The following KIAA2012 variants were observed in gnomAD, a reference collection of about 807,000 sequenced individuals.
KIAA2012 encodes the protein uncharacterized protein KIAA2012.
Under a neutral mutation model 150.6 loss-of-function variants are expected in KIAA2012, and 125 were observed. The ratio of observed to expected loss-of-function variants is 0.83; its 90% CI spans 0.72 to 0.96. The LOEUF is 0.96. Among genes scored for constraint, KIAA2012 ranks in the 40% least tolerant of loss-of-function variants. The pLI is 0.00. For synonymous variants in KIAA2012, 462 were observed against 504.7 expected, an observed-to-expected ratio of 0.92 and a Z score of 1.13; for missense variants, 1,219 against 1,354.9, an observed-to-expected ratio of 0.90 and a Z score of 1.57.
At chr2:202,133,873 G>A (rs1691010200) in intron 12 of KIAA2012, among the ~76,000 whole-genome samples, 1 of 152,120 alleles carries the variant, frequency 6.6e-6, no homozygotes, top group Admixed American at 6.5e-5. Flanking sequence ...TAGGTCATAG[G>A]TGTCTTGAGT....
intron 15 of KIAA2012, 71 bp downstream of exon 15, chr2:202,165,427 G>T (rs936422561): frequency 8.3e-6 from 12 of 1,446,328 alleles, no homozygotes; most frequent in Non-Finnish European, 8.5e-6. Context: ...ACTGTTAAAA[G>T]ATGTTAATGG....
Position 202,093,150 on chromosome 2 carries a change from C to G in KIAA2012, c.650C>G (p.Ser217Ter). The change falls in exon 4 of 24, where the codon TCA (serine) becomes TGA (stop). Residue 217 changes from serine to a stop codon, truncating the protein, a stop_gained. Coordinates refer to ENST00000498697, the MANE Select transcript of KIAA2012 (RefSeq NM_001277372.4). LOFTEE classifies it high-confidence loss of function. The part of the protein sequence containing the change: ...PKYHLLPVFP[S>*]FWIQQGKSFE... ...TACCATCTCCTGCCTGTCTTCCCTT[C>G]ATTTTGGATTCAACAAGGAAAATCT... The G allele has an allele frequency of 6.4e-7, 1 of 1,551,232 alleles. No individual in the cohort carries two copies. Among genetic ancestry groups the G allele is most frequent in the South Asian group, 1.2e-5 (1 of 84,060 alleles).
chr2:202,189,868 G>A (rs1389255982), intron 18 of KIAA2012, among the ~76,000 whole-genome samples: 1 of 152,022 alleles, frequency 6.6e-6, no homozygotes, highest in Non-Finnish European at 1.5e-5. Flanking sequence ...GAGGTGGGTG[G>A]ATTGCTTGAG....
intron 9 of KIAA2012, 44 bp from the exon 10 acceptor site, chr2:202,109,568 GA>G: frequency 3.4e-6 from 5 of 1,466,376 alleles, no homozygotes; most frequent in Non-Finnish European, 4.5e-6. Context: ...CCTTCCTGCT[GA>G]TTCTGTTTTC....
chr2:202,155,320 G>C (rs762943251), intron 14 of KIAA2012, among the ~76,000 whole-genome samples: 12 of 152,116 alleles, frequency 7.9e-5, no homozygotes, highest in African/African-American at 1.7e-4. Flanking sequence ...GGTTCTGAGG[G>C]TTTCTATAGT....
At position 202,105,795 on chromosome 2, in the gene KIAA2012, C is replaced by G; in HGVS notation, c.1359C>G (p.Ser453Arg). ...ACCCTGAGTCAGAACCAGAAAGCAG[C>G]GAAGAATCCACACCTGTGTGGAGAC... is the stretch of plus-strand genomic sequence containing the variant. ...APHPESEPESSEESTPVWRPP... is the reference protein window; with the variant it reads ...APHPESEPESREESTPVWRPP... Residue 453 changes from serine to arginine, a missense_variant, in exon 9 of 24, where the codon AGC becomes AGG. By Grantham distance (110) the Ser-to-Arg change is moderately radical. Transcript: ENST00000498697. The G allele has an allele frequency of 1.3e-6, 2 of 1,550,614 alleles. No homozygotes were observed. The highest frequency in any genetic ancestry group is 1.7e-6 in the Non-Finnish European group (2 of 1,146,994).
Position 202,100,314 on chromosome 2 carries a change from A to G in KIAA2012, c.1020A>G (p.Gln340=). Residue 340 remains glutamine, a synonymous_variant, in exon 7 of 24, where the codon CAA becomes CAG. Transcript: ENST00000498697. ...PNRKADLSDK[Q]RNVKLHKARS... ...CTCATCCTGTTTTTAAAGATAAACAAAGGAACGTGAAACTCCACAAGGCCA... is the reference window on the plus strand; with the variant it reads ...CTCATCCTGTTTTTAAAGATAAACAGAGGAACGTGAAACTCCACAAGGCCA... 3 of 1,549,938 alleles carry G rather than the reference A, an allele frequency of 1.9e-6. No individual in the cohort carries two copies. The highest frequency in any genetic ancestry group is 2.6e-6 in the Non-Finnish European group (3 of 1,146,678).
At chr2:202,148,277 G>A (rs545829659) in intron 13 of KIAA2012, among the ~76,000 whole-genome samples, 5 of 152,296 alleles carry the variant, frequency 3.3e-5, no homozygotes, top group East Asian at 3.9e-4. Flanking sequence ...ATTGGAGGTT[G>A]CCATGTTTCT....
chr2:202,096,088 AC>A (rs1171128410), intron 4 of KIAA2012, among the ~76,000 whole-genome samples: 1 of 150,558 alleles, frequency 6.6e-6, no homozygotes, highest in Non-Finnish European at 1.5e-5. Context: ...CGTCCCCCGC[AC>A]CCCCCACCCA....
At chr2:202,186,442 G>A (rs186258571) in intron 16 of KIAA2012, among the ~76,000 whole-genome samples, 1 of 151,994 alleles carries the variant, frequency 6.6e-6, no homozygotes, top group Admixed American at 6.6e-5. Context: ...AACCCGGGAG[G>A]TGGAGGTTGC....
intron 22 of KIAA2012, among the ~76,000 whole-genome samples, chr2:202,199,882 C>T (rs1692481614): frequency 6.8e-6 from 1 of 148,074 alleles, no homozygotes; most frequent in Admixed American, 7.1e-5. Context: ...AACCATCAAT[C>T]AGGCTTTTGA....
At chr2:202,186,887 CAG>C (rs1473192717) in intron 16 of KIAA2012, 44 bp from the exon 17 acceptor site, 19 of 1,534,096 alleles carry the variant, frequency 1.2e-5, no homozygotes, top group Non-Finnish European at 1.7e-5. Flanking sequence ...TTCTTTCCAC[CAG>C]AGTTTTTCTT....
Position 202,190,257 on chromosome 2 carries a change from C to A in KIAA2012, c.2575C>A (p.Leu859Met). ...QRKRTQKERNLEIAAELSGPD... is the reference protein window; with the variant it reads ...QRKRTQKERNMEIAAELSGPD... ...GAAAAGGACACAGAAGGAAAGAAAT[C>A]TGGAGATAGCGGCAGAGCTGAGCGG... The change falls in exon 19 of 24, where the codon CTG becomes ATG. Residue 859 changes from leucine to methionine, a missense_variant. Leu to Met is a conservative substitution (Grantham distance 15, BLOSUM62 2). Transcript: ENST00000498697. The A allele has an allele frequency of 6.5e-7, 1 of 1,549,744 alleles. No homozygotes were observed. The highest frequency in any genetic ancestry group is 8.7e-7 in the Non-Finnish European group (1 of 1,146,810).
intron 3 of KIAA2012, among the ~76,000 whole-genome samples, chr2:202,091,451 A>T (rs1482094925): frequency 6.6e-6 from 1 of 152,148 alleles, no homozygotes; most frequent in African/African-American, 2.4e-5. Context: ...TCTTCCTCTT[A>T]AAAATGGCGG....
chr2:202,157,028 G>C (rs1001012256), intron 14 of KIAA2012, among the ~76,000 whole-genome samples: 3 of 152,124 alleles, frequency 2.0e-5, no homozygotes, highest in African/African-American at 7.2e-5. Context: ...AGAAGGAAAA[G>C]TGTTGTCATC....
Position 202,099,699 on chromosome 2 carries a change from T to C in KIAA2012, c.915T>C (p.Phe305=), listed in dbSNP as rs532126084. 9.7e-6 allele frequency: 15 copies of C among 1,550,456 alleles called. No individual in the cohort carries two copies. The highest frequency in any genetic ancestry group is 1.3e-5 in the Non-Finnish European group (15 of 1,146,966). ...EKTQQTSRKA[F]GHGRIDHSWL... is the part of the protein sequence containing the mutation. ...CACAGCAAACCTCCAGGAAGGCCTT[T>C]GGGCATGGCCGCATCGATCACTCTT... The change falls in exon 6 of 24, where the codon TTT becomes TTC. Residue 305 remains phenylalanine, a synonymous_variant. Coordinates refer to ENST00000498697, the MANE Select transcript of KIAA2012 (RefSeq NM_001277372.4).
At chr2:202,098,830 G>A (rs1183209823) in intron 5 of KIAA2012, among the ~76,000 whole-genome samples, 48 of 149,254 alleles carry the variant, frequency 3.2e-4, no homozygotes, top group African/African-American at 9.6e-4. Context: ...GCACGCGCGC[G>A]CGCGCGCAGG....
At position 202,187,092 on chromosome 2, in the gene KIAA2012, C is replaced by T. The variant is rs771775661; in HGVS notation, c.2370C>T (p.Ile790=). The change falls in exon 17 of 24, where the codon ATC becomes ATT. Residue 790 remains isoleucine, a synonymous_variant. Transcript: ENST00000498697. The stretch of plus-strand genomic sequence containing the variant: ...TTAGCCAGGAGACATCAGCCAACAT[C>T]AGTCATGTGAGTGTAAACCCCTAAA... ...RLFSQETSAN[I]SHERDLINEA... 3 of 1,550,436 alleles carry T rather than the reference C, an allele frequency of 1.9e-6. No individual in the cohort carries two copies.
chr2:202,180,700 G>A (rs571534457), intron 15 of KIAA2012, among the ~76,000 whole-genome samples: 3 of 151,992 alleles, frequency 2.0e-5, no homozygotes, highest in Non-Finnish European at 4.4e-5. Context: ...TGGTGCATGC[G>A]TGTAACCCCT....
Sources: allele counts gnomAD v4.1 joint callset (sites outside exome capture counted in the v4.1 genomes callset), GRCh38; gene constraint gnomAD v4.1.1; transcripts MANE v1.5; gene names NCBI Gene and HGNC (gene_info 2026-07-23, HGNC 2026-07-21).